Variants in GABRG2 observed in about 807,000 individuals in gnomAD.
GABRG2 encodes the protein gamma-aminobutyric acid receptor subunit gamma-2.
In GABRG2, 16 loss-of-function variants were observed where a neutral mutation model predicts 56.4. The observed-to-expected ratio is 0.28, with a 90% CI of 0.19 to 0.43. GABRG2 has a LOEUF of 0.43. GABRG2 is among the 20% of genes least tolerant of loss of function. The pLI is 1.00. For synonymous variants in GABRG2, 208 were observed against 205.5 expected (o/e 1.01, Z -0.10); for missense variants, 327 against 582.7 (o/e 0.56, Z 4.52).
At chr5:162,115,855 G>C (rs747829695) in intron 6 of GABRG2, among the ~76,000 whole-genome samples, 1 of 152,022 alleles carries the variant, frequency 6.6e-6, no homozygotes, top group African/African-American at 2.4e-5. Context: ...TAATGATAAT[G>C]ATAATAATGA....
chr5:162,088,659 T>C (rs376697951), intron 1 of GABRG2, among the ~76,000 whole-genome samples: 1 of 152,248 alleles, frequency 6.6e-6, no homozygotes, highest in African/African-American at 2.4e-5. Context: ...ATGATCTTAT[T>C]GTTTAATGCA....
chr5:162,108,909 T>C (rs1343079148), intron 6 of GABRG2, among the ~76,000 whole-genome samples: 1 of 152,154 alleles, frequency 6.6e-6, no homozygotes, highest in Non-Finnish European at 1.5e-5. Context: ...TGTTGGACAT[T>C]TGGGTTGGTT....
intron 5 of GABRG2, chr5:162,101,718 G>T: frequency 5.4e-6 from 1 of 186,258 alleles, no homozygotes; most frequent in Non-Finnish European, 1.1e-5. Flanking sequence ...GTTAAGGCCT[G>T]CCCCACAGGA....
At chr5:162,082,609 T>C (rs943687342) in intron 1 of GABRG2, among the ~76,000 whole-genome samples, 2 of 151,738 alleles carry the variant, frequency 1.3e-5, no homozygotes, top group African/African-American at 4.8e-5. Context: ...AAAAAAGTAA[T>C]AATTCTAAGT....
At chr5:162,125,279 G>T (rs545519286) in intron 6 of GABRG2, among the ~76,000 whole-genome samples, 57 of 151,590 alleles carry the variant, frequency 3.8e-4, no homozygotes, top group African/African-American at 1.3e-3. Context: ...TTTGGTGCGA[G>T]TGTTCTTTTT....
chr5:162,067,671 G>T, upstream of GABRG2: 1 of 597,682 alleles, frequency 1.7e-6, no homozygotes, highest in Non-Finnish European at 3.0e-6. Context: ...GTATACACGA[G>T]TGTGCGTGTC....
intron 6 of GABRG2, among the ~76,000 whole-genome samples, chr5:162,105,814 TACACACACACACACACACAC>T (rs67276484): frequency 4.0e-4 from 59 of 147,468 alleles, no homozygotes; most frequent in Non-Finnish European, 7.1e-4. Context: ...AGAAAACACA[TACACACACACACACACACAC>T]ACACACACAC....
rs79010797 is a variant in GABRG2, at chr5:162,127,913, C to T, written c.770-14251C>T. ...AGATTTGTTCTGAAAACCACATGGA[C>T]GTAGTGAGAGCACAGAGTGCTGCTC... On this transcript the variant is annotated intron_variant, in intron 6 of 9. Coordinates refer to ENST00000639213, the MANE Select transcript of GABRG2 (RefSeq NM_198904.4). 4.5e-3 allele frequency among the ~76,000 whole-genome samples: 686 copies of T among 151,954 alleles called. 7 individuals carry two copies. Among genetic ancestry groups the T allele is most frequent in the African/African-American group, 0.016 (653 of 41,494 alleles).
intron 5 of GABRG2, chr5:162,101,910 T>C (rs1761447117): frequency 6.5e-6 from 1 of 154,982 alleles, no homozygotes; most frequent in African/African-American, 2.4e-5. Context: ...CCTGCCTGAA[T>C]CAAAGCCAAG....
At chr5:162,116,426 G>A (rs1007233115) in intron 6 of GABRG2, among the ~76,000 whole-genome samples, 1 of 150,394 alleles carries the variant, frequency 6.6e-6, no homozygotes, top group Non-Finnish European at 1.5e-5. Flanking sequence ...TTTATTCTGT[G>A]GTATATCATT....
At chr5:162,088,868 A>C (rs900369304) in intron 1 of GABRG2, among the ~76,000 whole-genome samples, 2 of 152,170 alleles carry the variant, frequency 1.3e-5, no homozygotes, top group Non-Finnish European at 2.9e-5. Context: ...TTAAAGTTAT[A>C]CCTAGAACAT....
At chr5:162,148,289 T>C (rs1345279010) in intron 7 of GABRG2, among the ~76,000 whole-genome samples, 2 of 152,228 alleles carry the variant, frequency 1.3e-5, no homozygotes, top group Non-Finnish European at 2.9e-5. Flanking sequence ...TCTTCTGATC[T>C]ATAAATTCAG....
At position 162,093,893 on chromosome 5, in the gene GABRG2, C is replaced by A. The variant is rs763218917; in HGVS notation, c.173C>A (p.Thr58Asn). The A allele has an allele frequency of 2.5e-5, 40 of 1,613,182 alleles. No individual in the cohort carries two copies. Among genetic ancestry groups the A allele is most frequent in the Non-Finnish European group, 3.2e-5 (38 of 1,179,464 alleles). ...DYASNKTWVL[T>N]PKVPEGDVTV... The stretch of plus-strand genomic sequence containing the variant: ...GCTTCTAACAAAACATGGGTCTTGA[C>A]TCCAAAAGTTCCTGAGGGTGATGTC... Residue 58 changes from threonine to asparagine, a missense_variant, in exon 2 of 10, where the codon ACT (threonine) becomes AAT (asparagine). Coordinates refer to ENST00000639213, the MANE Select transcript of GABRG2 (RefSeq NM_198904.4).
intron 7 of GABRG2, among the ~76,000 whole-genome samples, chr5:162,148,644 A>G (rs2113630191): frequency 6.6e-6 from 1 of 152,234 alleles, no homozygotes; most frequent in East Asian, 1.9e-4. Context: ...AATAACAGAC[A>G]AGGTTTCTCT....
chr5:162,067,868 C>G lies in GABRG2; in HGVS notation c.-132C>G. ...TCCCTAATCTGGTAGCAATCCATCT[C>G]CCCAGTGAAGGACCTACTAGAGGCA... On this transcript the variant is annotated 5_prime_UTR_variant, in exon 1 of 10. Coordinates refer to ENST00000639213, the MANE Select transcript of GABRG2 (RefSeq NM_198904.4). 1.4e-6 allele frequency: 1 copy of G among 708,808 alleles called. No homozygotes were observed. The highest frequency in any genetic ancestry group is 2.5e-6 in the Non-Finnish European group (1 of 395,082). The allele number at this position is 708,808 out of a possible 1,614,324, so 43.9% of individuals were successfully genotyped here.
chr5:162,068,145 A>T, intron 1 of GABRG2, 39 bp downstream of exon 1: 8 of 1,340,606 alleles, frequency 6.0e-6, no homozygotes, highest in South Asian at 1.2e-5. Flanking sequence ...TGTTCTGAAG[A>T]GGTGGGGGGA....
chr5:162,153,276 A>G lies in GABRG2; in HGVS notation c.1336A>G (p.Ile446Val), dbSNP rs764513577. The G allele has an allele frequency of 6.2e-7, 1 of 1,614,042 alleles. No individual in the cohort carries two copies. Among genetic ancestry groups the G allele is most frequent in the East Asian group, 2.2e-5 (1 of 44,874 alleles). ...AWRHGRIHIR[I>V]AKMDSYARIF... ...GAGACATGGGAGGATACATATCCGC[A>G]TTGCCAAAATGGACTCCTATGCTCG... Residue 446 changes from isoleucine to valine, a missense_variant, in exon 10 of 10, where the codon ATT becomes GTT. Transcript: ENST00000639213.
chr5:162,076,135 G>A (rs1759086204), intron 1 of GABRG2, among the ~76,000 whole-genome samples: 1 of 152,138 alleles, frequency 6.6e-6, no homozygotes, highest in South Asian at 2.1e-4. Context: ...CTGGGTGACA[G>A]AGTGAGACCC....
intron 4 of GABRG2, chr5:162,099,595 G>T (rs1761261612): frequency 6.6e-6 from 1 of 152,130 alleles, no homozygotes; most frequent in African/African-American, 2.4e-5. Context: ...AATCTAGTGG[G>T]TACAAAATTC....
Sources: gnomAD v4.1 joint callset for allele counts (sites outside exome capture counted in the v4.1 genomes callset) on GRCh38, gnomAD v4.1.1 for gene constraint, MANE v1.5 for transcripts, NCBI Gene and HGNC (gene_info 2026-07-23, HGNC 2026-07-21) for gene names.